The following ADSS1 variants were observed in gnomAD, a reference collection of about 807,000 sequenced individuals.
The protein encoded by ADSS1 is adenylosuccinate synthetase isozyme 1.
A neutral mutation model predicts 59.1 loss-of-function variants in ADSS1; 57 were observed. That is an observed-to-expected ratio of 0.97 (90% CI 0.78 to 1.20). ADSS1 has a LOEUF of 1.20. Among genes scored for constraint, ADSS1 ranks in the 50% most tolerant of loss-of-function variants. The pLI, the probability that ADSS1 is intolerant of heterozygous loss-of-function variation, is 0.00. For synonymous variants in ADSS1, 247 were observed against 249.4 expected (o/e 0.99, Z 0.09); for missense variants, 603 against 610.3 (o/e 0.99, Z 0.13).
In ADSS1 at chr14:104,740,767, T is replaced by C; in HGVS notation, c.584+59T>C. The stretch of plus-strand genomic sequence containing the variant: ...GGGGAGAAGTTGCCGGAAGGGACTG[T>C]GGCTAGTGGGGAGGGCCCTGAGGAC... On this transcript the variant is annotated intron_variant, in intron 6 of 12. Coordinates refer to ENST00000330877, the MANE Select transcript of ADSS1 (RefSeq NM_152328.5). The surrounding 1 kb of genome is among the most constrained non-coding windows in gnomAD (Gnocchi z 4.8). The C allele has an allele frequency of 6.2e-7, 1 of 1,612,598 alleles. No homozygotes were observed. Among genetic ancestry groups the C allele is most frequent in the Non-Finnish European group, 8.5e-7 (1 of 1,178,822 alleles).
chr14:104,739,464 C>G (rs1891250620), intron 4 of ADSS1, 86 bp downstream of exon 4: 1 of 1,450,924 alleles, frequency 6.9e-7, no homozygotes, highest in Non-Finnish European at 9.4e-7. Context: ...CCACCGAGAT[C>G]AGGGAAGTCC....
At chr14:104,727,578 C>T (rs1032316884) in intron 1 of ADSS1, among the ~76,000 whole-genome samples, 2 of 152,120 alleles carry the variant, frequency 1.3e-5, no homozygotes, top group Non-Finnish European at 2.9e-5. Context: ...TGGGCACGGA[C>T]ACCCCATCCT....
intron 1 of ADSS1, among the ~76,000 whole-genome samples, chr14:104,729,172 GT>G (rs1465992967): frequency 6.6e-6 from 1 of 152,182 alleles, no homozygotes; most frequent in Non-Finnish European, 1.5e-5. Flanking sequence ...ATCCATGGCA[GT>G]AAAGGGCCTA....
intron 10 of ADSS1, among the ~76,000 whole-genome samples, chr14:104,744,181 G>A (rs906837936): frequency 4.6e-5 from 7 of 152,140 alleles, no homozygotes; most frequent in Non-Finnish European, 1.0e-4. Flanking sequence ...TGTGCTGTGG[G>A]GAAAGTGCAC....
chr14:104,743,011 A>G, intron 9 of ADSS1, 56 bp from the exon 10 acceptor site: 1 of 1,604,104 alleles, frequency 6.2e-7, no homozygotes. Flanking sequence ...CAGCAGGGCC[A>G]GGCTGCACAA....
At chr14:104,729,964 G>C (rs1380221667) in intron 1 of ADSS1, 2 of 1,590,284 alleles carry the variant, frequency 1.3e-6, no homozygotes, top group South Asian at 1.1e-5. Context: ...ACCTGGCCCT[G>C]ACCCTCAGCT....
intron 9 of ADSS1, among the ~76,000 whole-genome samples, 158 bp from the exon 10 acceptor site, chr14:104,742,909 G>A (rs1024956635): frequency 1.5e-4 from 23 of 152,224 alleles, no homozygotes; most frequent in Non-Finnish European, 2.9e-5. Context: ...TACCAGGGGT[G>A]TGGGGATGTC....
At position 104,744,865 on chromosome 14, in the gene ADSS1, G is replaced by A. The variant is rs202180545; in HGVS notation, c.1127G>A (p.Gly376Asp). ...ILDVLGEVKV[G>D]VSYKLNGKRI... is the part of the protein sequence containing the mutation. Reference sequence around the variant, plus strand: ...GACGTACTGGGTGAGGTTAAAGTCGGTGTCTCATACAAGCTGAACGGGAAA... The same window carrying A: ...GACGTACTGGGTGAGGTTAAAGTCGATGTCTCATACAAGCTGAACGGGAAA... Residue 376 changes from glycine to aspartate, a missense_variant, in exon 11 of 13, where the codon GGT becomes GAT. Coordinates refer to ENST00000330877, the MANE Select transcript of ADSS1 (RefSeq NM_152328.5). 9 of 1,614,182 alleles carry A rather than the reference G, an allele frequency of 5.6e-6. No homozygotes were observed. The African/African-American group carries it at 1.1e-4, about 19-fold the overall frequency.
chr14:104,743,502 G>T (rs948192176), intron 10 of ADSS1: 18 of 308,942 alleles, frequency 5.8e-5, no homozygotes, highest in African/African-American at 3.6e-4. Context: ...AGGACGAAAG[G>T]ATGCACTGTC....
chr14:104,742,065 G>A, intron 9 of ADSS1, 63 bp downstream of exon 9: 8 of 1,590,906 alleles, frequency 5.0e-6, no homozygotes, highest in Non-Finnish European at 6.8e-6. Context: ...GGTGCCGGGG[G>A]TGGGGTGAGC....
chr14:104,736,916 A>T (rs1372387561), intron 2 of ADSS1, among the ~76,000 whole-genome samples: 5 of 127,774 alleles, frequency 3.9e-5, no homozygotes, highest in Admixed American at 1.6e-4. Flanking sequence ...ATATATATGC[A>T]TTTTTTTTTT....
At chr14:104,737,357 TTC>T (rs765544876) in intron 2 of ADSS1, 3 of 152,242 alleles carry the variant, frequency 2.0e-5, no homozygotes, top group Non-Finnish European at 2.9e-5. Context: ...TCGGATTGGC[TTC>T]TTTCACTCAG....
At chr14:104,728,975 AGGCAC>A (rs1890801147) in intron 1 of ADSS1, among the ~76,000 whole-genome samples, 1 of 152,314 alleles carries the variant, frequency 6.6e-6, no homozygotes, top group Admixed American at 6.5e-5. Flanking sequence ...AGTGGCGTTG[AGGCAC>A]GGCGCCGTCA....
At chr14:104,746,448 C>T in intron 12 of ADSS1, 63 bp downstream of exon 12, 5 of 1,555,122 alleles carry the variant, frequency 3.2e-6, no homozygotes, top group Non-Finnish European at 4.4e-6. Flanking sequence ...GGCCCACATC[C>T]CAGCGCAGGG....
intron 1 of ADSS1, among the ~76,000 whole-genome samples, chr14:104,726,703 G>A (rs2140740564): frequency 6.6e-6 from 1 of 152,350 alleles, no homozygotes; most frequent in East Asian, 1.9e-4. Context: ...GGCGCACAGA[G>A]GCCAAACCTC....
chr14:104,730,064 C>G, intron 1 of ADSS1: 1 of 1,564,936 alleles, frequency 6.4e-7, no homozygotes. Flanking sequence ...TCAGCCCACC[C>G]CTCACCTTCC....
intron 10 of ADSS1, 146 bp downstream of exon 10, chr14:104,743,337 G>C: frequency 8.1e-7 from 1 of 1,240,706 alleles, no homozygotes. Context: ...CACAAAGCAC[G>C]GCCCAGAGGT....
chr14:104,739,245 G>A (rs538453753), intron 3 of ADSS1, 83 bp from the exon 4 acceptor site: 49 of 1,444,900 alleles, frequency 3.4e-5, no homozygotes, highest in Admixed American at 2.9e-4. Flanking sequence ...GGAGCCGGGC[G>A]AGCTAGCCCA....
intron 1 of ADSS1, among the ~76,000 whole-genome samples, chr14:104,728,797 G>A (rs1057075443): frequency 1.3e-4 from 20 of 152,166 alleles, no homozygotes; most frequent in East Asian, 3.9e-4. Flanking sequence ...GGCCAGGGCT[G>A]GGGATGGACA....
Sources: allele counts gnomAD v4.1 joint callset (sites outside exome capture counted in the v4.1 genomes callset), GRCh38; gene constraint gnomAD v4.1.1; non-coding constraint Gnocchi (gnomAD v3.1); transcripts MANE v1.5; gene names NCBI Gene and HGNC (gene_info 2026-07-23, HGNC 2026-07-21).